The following EPHA3 variants were observed in gnomAD, a reference collection of about 807,000 sequenced individuals.
EPHA3 encodes the protein EPH receptor A3.
A neutral mutation model predicts 107.1 loss-of-function variants in EPHA3; 42 were observed. The observed-to-expected ratio is 0.39, with a 90% CI of 0.31 to 0.51. The LOEUF (loss-of-function observed/expected upper bound fraction) is 0.51, where lower values mean the gene tolerates loss of function less well. Among genes scored for constraint, EPHA3 ranks in the 20% least tolerant of loss-of-function variants. The pLI is 0.78. For missense variants in EPHA3, 1,183 were observed against 1,211.2 expected (o/e 0.98, Z 0.35); for synonymous variants, 461 against 424.8 (o/e 1.09, Z -1.05).
At chr3:89,407,520 CCTT>C in intron 8 of EPHA3, 149 bp downstream of exon 8, 1 of 642,022 alleles carries the variant, frequency 1.6e-6, no homozygotes, top group Non-Finnish European at 2.7e-6. Context: ...TCTTTCTCCT[CCTT>C]TTCTTTGTTT....
intron 3 of EPHA3, among the ~76,000 whole-genome samples, chr3:89,257,254 C>T (rs1267823567): frequency 6.6e-6 from 1 of 152,208 alleles, no homozygotes; most frequent in Non-Finnish European, 1.5e-5. Context: ...CACATCCTAT[C>T]TGTGTGGAAC....
At chr3:89,459,723 G>A (rs1317157021) in intron 15 of EPHA3, among the ~76,000 whole-genome samples, 15 of 151,998 alleles carry the variant, frequency 9.9e-5, no homozygotes, top group African/African-American at 3.4e-4. Context: ...GGGTTTCACC[G>A]TGTTGACCAG....
Position 89,129,543 on chromosome 3 carries a change from A to G in EPHA3, c.153+2270A>G, listed in dbSNP as rs139828550. ...TATTTCCTTTAAATTTCCCACATAT[A>G]AAGTTAACCATAATATATATAAGGA... is the stretch of plus-strand genomic sequence containing the variant. On this transcript the variant is annotated intron_variant, in intron 2 of 16. Transcript: ENST00000336596. 3.0e-3 allele frequency among the ~76,000 whole-genome samples: 462 copies of G among 152,102 alleles called. 2 individuals carry two copies. Among genetic ancestry groups the G allele is most frequent in the Non-Finnish European group, 4.2e-3 (284 of 67,980 alleles).
At chr3:89,427,154 G>A (rs1411492187) in intron 11 of EPHA3, among the ~76,000 whole-genome samples, 5 of 151,680 alleles carry the variant, frequency 3.3e-5, no homozygotes, top group African/African-American at 7.3e-5. Context: ...GTGTCTTAAC[G>A]GAAAATAGAT....
intron 15 of EPHA3, among the ~76,000 whole-genome samples, chr3:89,460,741 C>A (rs1415978018): frequency 3.0e-4 from 43 of 145,740 alleles, no homozygotes; most frequent in African/African-American, 1.1e-3. Context: ...GACAGGGTGA[C>A]TTTGCTCAGT....
intron 5 of EPHA3, among the ~76,000 whole-genome samples, chr3:89,375,430 AT>A (rs1319288847): frequency 2.6e-5 from 4 of 151,760 alleles, no homozygotes; most frequent in African/African-American, 9.7e-5. Flanking sequence ...CCACTGAAGA[AT>A]AAGTATTAAT....
chr3:89,245,081 G>T (rs894215282), intron 3 of EPHA3, among the ~76,000 whole-genome samples: 2 of 152,148 alleles, frequency 1.3e-5, no homozygotes, highest in Non-Finnish European at 2.9e-5. Context: ...GTTTGCAATG[G>T]TTTTGATTCA....
intron 11 of EPHA3, among the ~76,000 whole-genome samples, chr3:89,428,019 G>A (rs1709492815): frequency 6.6e-6 from 1 of 151,824 alleles, no homozygotes; most frequent in South Asian, 2.1e-4. Flanking sequence ...ATTGTCTAAA[G>A]TGCTTAAGTC....
intron 13 of EPHA3, among the ~76,000 whole-genome samples, chr3:89,447,846 TC>T (rs1173736658): frequency 2.0e-5 from 3 of 152,136 alleles, no homozygotes; most frequent in Non-Finnish European, 4.4e-5. Context: ...TAGAAACTTG[TC>T]CCCTAAATTG....
chr3:89,218,566 T>C (rs1704274612), intron 3 of EPHA3, among the ~76,000 whole-genome samples: 1 of 152,074 alleles, frequency 6.6e-6, no homozygotes, highest in Admixed American at 6.6e-5. Context: ...TTCCAAGTCT[T>C]TGCTATTGTG....
At chr3:89,403,621 C>G (rs1709004845) in intron 7 of EPHA3, among the ~76,000 whole-genome samples, 1 of 152,080 alleles carries the variant, frequency 6.6e-6, no homozygotes, top group Admixed American at 6.6e-5. Flanking sequence ...TTTGGAAAAG[C>G]AGATAGTCCA....
intron 3 of EPHA3, among the ~76,000 whole-genome samples, chr3:89,279,341 G>A (rs994116302): frequency 3.3e-5 from 5 of 151,912 alleles, no homozygotes; most frequent in South Asian, 2.1e-4. Context: ...AGAAAAGGTC[G>A]GTGGCCTGTA....
chr3:89,432,603 C>G (rs1184298881), intron 13 of EPHA3, among the ~76,000 whole-genome samples: 2 of 151,950 alleles, frequency 1.3e-5, no homozygotes, highest in Non-Finnish European at 2.9e-5. Context: ...AAAATTATTT[C>G]CATGGTAGAA....
intron 3 of EPHA3, among the ~76,000 whole-genome samples, chr3:89,288,397 G>T (rs1347454311): frequency 6.6e-6 from 1 of 152,046 alleles, no homozygotes; most frequent in African/African-American, 2.4e-5. Context: ...GACATTTATA[G>T]CCACTTCTAT....
At chr3:89,385,353 G>A (rs750530106) in intron 5 of EPHA3, among the ~76,000 whole-genome samples, 68 of 152,250 alleles carry the variant, frequency 4.5e-4, no homozygotes, top group Middle Eastern at 3.4e-3. Context: ...GTTATGGGAC[G>A]GACCCAGTGG....
chr3:89,424,486 A>G (rs1177460733), intron 11 of EPHA3, among the ~76,000 whole-genome samples: 2 of 151,274 alleles, frequency 1.3e-5, no homozygotes, highest in East Asian at 3.9e-4. Flanking sequence ...GCCTGTTGTT[A>G]TTATTATTTC....
intron 15 of EPHA3, among the ~76,000 whole-genome samples, chr3:89,456,557 C>T (rs1710100888): frequency 6.6e-6 from 1 of 152,144 alleles, no homozygotes; most frequent in East Asian, 1.9e-4. Flanking sequence ...TTTCAGCCTT[C>T]ATTAGAGTTG....
At chr3:89,121,419 CA>C (rs1275348612) in intron 1 of EPHA3, among the ~76,000 whole-genome samples, 3 of 151,992 alleles carry the variant, frequency 2.0e-5, no homozygotes, top group Non-Finnish European at 4.4e-5. Context: ...TATAGTACAA[CA>C]TTTTTATAAT....
rs2107555098 is a variant in EPHA3, at chr3:89,450,252, C to G, written c.2572C>G (p.Leu858Val). The change falls in exon 15 of 17, where the codon CTG (leucine) becomes GTG (valine). Residue 858 changes from leucine (L) to valine (V), a missense_variant. Coordinates refer to ENST00000336596, the MANE Select transcript of EPHA3 (RefSeq NM_005233.6). ...CCCAGCTGCCTTGTATCAGCTGATG[C>G]TGGACTGCTGGCAGAAAGACAGGAA... The part of the protein sequence containing the change: ...DCPAALYQLM[L>V]DCWQKDRNNR... 1 of 1,613,984 alleles carries G rather than the reference C, an allele frequency of 6.2e-7. No individual in the cohort carries two copies. The highest frequency in any genetic ancestry group is 1.7e-5 in the Admixed American group (1 of 59,978).
Sources: allele counts gnomAD v4.1 joint callset (sites outside exome capture counted in the v4.1 genomes callset), GRCh38; gene constraint gnomAD v4.1.1; transcripts MANE v1.5; gene names NCBI Gene and HGNC (gene_info 2026-07-23, HGNC 2026-07-21).